Variants in DNTTIP1 observed in about 807,000 individuals in gnomAD.
DNTTIP1 encodes deoxynucleotidyltransferase terminal interacting protein 1.
DNTTIP1 carries 22 observed loss-of-function variants against 52.9 expected under a neutral mutation model. The observed-to-expected ratio is 0.42, with a 90% CI of 0.30 to 0.59. The LOEUF (loss-of-function observed/expected upper bound fraction) is 0.59, where lower values mean the gene tolerates loss of function less well. Among genes scored for constraint, DNTTIP1 ranks in the 20% least tolerant of loss-of-function variants. The pLI is 0.22. For missense variants in DNTTIP1, 286 were observed against 435.5 expected (o/e 0.66, Z 3.06); for synonymous variants, 136 against 155.1 (o/e 0.88, Z 0.92).
At position 45,809,226 on chromosome 20, in the gene DNTTIP1, C is replaced by A. The variant is rs200161181; in HGVS notation, c.795+41C>A. 168 of 1,586,722 alleles carry A rather than the reference C, an allele frequency of 1.1e-4. No homozygotes were observed. In the African/African-American group the frequency reaches 2.1e-3, roughly 20 times the overall value. Reference sequence around the variant, plus strand: ...TTGTGCCACTGCCAGTGACCCACCCCACCTGGGAACCAGGATTTTGGCTGT... The same window carrying A: ...TTGTGCCACTGCCAGTGACCCACCCAACCTGGGAACCAGGATTTTGGCTGT... On this transcript the variant is annotated intron_variant, in intron 11 of 12. Transcript: ENST00000372622. The surrounding 1 kb of genome is among the most constrained non-coding windows in gnomAD (Gnocchi z 4.2).
chr20:45,795,521 G>A (rs984672703), intron 4 of DNTTIP1, 78 bp downstream of exon 4: 44 of 880,170 alleles, frequency 5.0e-5, no homozygotes, highest in East Asian at 8.4e-5. Flanking sequence ...ATCTTAAGCC[G>A]GACGTGGTGG....
chr20:45,794,455 A>G (rs1215715346), intron 3 of DNTTIP1, among the ~76,000 whole-genome samples: 3 of 151,854 alleles, frequency 2.0e-5, no homozygotes, highest in Non-Finnish European at 4.4e-5. Flanking sequence ...TCAGTTTTCA[A>G]ATTTTTAATC....
chr20:45,791,971 A>G lies in DNTTIP1; in HGVS notation c.-34A>G, dbSNP rs1981023158. 5 of 1,214,338 alleles carry G rather than the reference A, an allele frequency of 4.1e-6. No individual in the cohort carries two copies. In the East Asian group the frequency reaches 9.3e-5, roughly 23 times the overall value. The allele number at this position is 1,214,338 out of a possible 1,614,324, so 75.2% of individuals were successfully genotyped here. A position where few individuals can be genotyped will look rare whatever the true frequency, so the allele number is the denominator to read the frequency against. On this transcript the variant is annotated 5_prime_UTR_variant, in exon 1 of 13. Coordinates refer to ENST00000372622, the MANE Select transcript of DNTTIP1 (RefSeq NM_052951.3). Reference sequence around the variant, plus strand: ...ACGGCGCCACTTTCCGGCCGGTGACAGAGTCCAGCGGAGTTGTGGGGGCCG... The same window carrying G: ...ACGGCGCCACTTTCCGGCCGGTGACGGAGTCCAGCGGAGTTGTGGGGGCCG...
intron 7 of DNTTIP1, among the ~76,000 whole-genome samples, chr20:45,802,302 G>A (rs1981502195): frequency 1.3e-5 from 2 of 152,136 alleles, no homozygotes; most frequent in Admixed American, 1.3e-4. Flanking sequence ...GTCATTGTTA[G>A]TATATATTGG....
At chr20:45,792,857 A>G in intron 2 of DNTTIP1, 110 bp downstream of exon 2, 1 of 925,392 alleles carries the variant, frequency 1.1e-6, no homozygotes, top group Non-Finnish European at 1.6e-6. Flanking sequence ...GAAAGAGCAC[A>G]GGACTGAGGA....
intron 4 of DNTTIP1, chr20:45,796,502 G>A (rs1041569242): frequency 4.2e-6 from 2 of 471,024 alleles, no homozygotes; most frequent in African/African-American, 4.0e-5. Context: ...GGTATCATGG[G>A]GATGAGCACC....
At chr20:45,810,583 T>C (rs1601034039) in intron 11 of DNTTIP1, among the ~76,000 whole-genome samples, 3 of 148,106 alleles carry the variant, frequency 2.0e-5, no homozygotes, top group South Asian at 4.3e-4. Context: ...TTCTTTTTTT[T>C]TTTTTTTTCT....
At chr20:45,805,577 G>A (rs1189519740) in intron 10 of DNTTIP1, among the ~76,000 whole-genome samples, 10 of 152,118 alleles carry the variant, frequency 6.6e-5, no homozygotes. Flanking sequence ...TGCTTACTGG[G>A]TGCCAAACAC....
In DNTTIP1 at chr20:45,795,427, G is replaced by T; in HGVS notation, c.356G>T (p.Arg119Leu). 6.2e-7 allele frequency: 1 copy of T among 1,605,940 alleles called. No individual in the cohort carries two copies. The highest frequency in any genetic ancestry group is 8.5e-7 in the Non-Finnish European group (1 of 1,175,542). The change falls in exon 4 of 13, where the codon CGG becomes CTG. Residue 119 changes from arginine to leucine, a missense_variant. Transcript: ENST00000372622. Reference protein sequence around the residue: ...DAEQLIQEACRSCLEQAKLLF... With the variant: ...DAEQLIQEACLSCLEQAKLLF... ...GAGCAGCTGATCCAGGAAGCCTGTC[G>T]GAGCTGCCTGGAGCAGGTGAGACCA...
chr20:45,809,235 A>G lies in DNTTIP1; in HGVS notation c.795+50A>G, dbSNP rs1387818137. On this transcript the variant is annotated intron_variant, in intron 11 of 12. Coordinates refer to ENST00000372622, the MANE Select transcript of DNTTIP1 (RefSeq NM_052951.3). This position sits in a 1 kb window ranked among gnomAD's most constrained non-coding sequence, Gnocchi z 4.2. ...TGCCAGTGACCCACCCCACCTGGGAACCAGGATTTTGGCTGTGGGTGACAG... is the reference window on the plus strand; with the variant it reads ...TGCCAGTGACCCACCCCACCTGGGAGCCAGGATTTTGGCTGTGGGTGACAG... The G allele has an allele frequency of 3.4e-5, 53 of 1,575,756 alleles. No homozygotes were observed. Among genetic ancestry groups the G allele is most frequent in the Non-Finnish European group, 4.6e-5 (53 of 1,146,658 alleles).
intron 6 of DNTTIP1, 82 bp downstream of exon 6, chr20:45,801,540 C>A: frequency 6.8e-7 from 1 of 1,466,816 alleles, no homozygotes; most frequent in Non-Finnish European, 9.5e-7. Flanking sequence ...GTAATCCCAA[C>A]ACTTTGGGAG....
intron 11 of DNTTIP1, among the ~76,000 whole-genome samples, chr20:45,810,484 T>C (rs1273344972): frequency 6.6e-6 from 1 of 152,210 alleles, no homozygotes; most frequent in Non-Finnish European, 1.5e-5. Context: ...TTCTTGCCAT[T>C]TTGTTATAAC....
chr20:45,811,193 T>C lies in DNTTIP1; in HGVS notation c.988T>C (p.Ter330ArgextTer39). The C allele has an allele frequency of 6.2e-7, 1 of 1,603,612 alleles. No homozygotes were observed. Among genetic ancestry groups the C allele is most frequent in the Non-Finnish European group, 8.5e-7 (1 of 1,175,404 alleles). ...TGCTGTTGAAGCACCTCCACAGACC[T>C]GAGGCCGGGTCCCCTGGCCACACTT... ...HRAVEAPPQT[*>R] The change falls in exon 13 of 13, where the codon TGA (stop) becomes CGA (arginine). Residue 330 changes from the stop codon to arginine (R), a stop_lost. Coordinates refer to ENST00000372622, the MANE Select transcript of DNTTIP1 (RefSeq NM_052951.3).
intron 4 of DNTTIP1, among the ~76,000 whole-genome samples, chr20:45,797,850 G>A (rs895526495): frequency 6.6e-6 from 1 of 152,218 alleles, no homozygotes; most frequent in Non-Finnish European, 1.5e-5. Context: ...TGGAGAGGAT[G>A]TGGAGAAATA....
Position 45,809,952 on chromosome 20 carries a change from T to C in DNTTIP1, c.795+767T>C, listed in dbSNP as rs1981769788. On this transcript the variant is annotated intron_variant, in intron 11 of 12. Transcript: ENST00000372622. The surrounding 1 kb of genome is among the most constrained non-coding windows in gnomAD (Gnocchi z 4.2). ...GCTTCATGCACATAAAATGCAACAT[T>C]ACATAAATAAGAAATAGATGGTAGG... is the stretch of plus-strand genomic sequence containing the variant. 6.6e-6 allele frequency among the ~76,000 whole-genome samples: 1 copy of C among 151,978 alleles called. No homozygotes were observed. The highest frequency in any genetic ancestry group is 2.1e-4 in the South Asian group (1 of 4,824).
chr20:45,802,452 C>T lies in DNTTIP1; in HGVS notation c.557+395C>T, dbSNP rs141216538. 3.2e-3 allele frequency among the ~76,000 whole-genome samples: 491 copies of T among 152,248 alleles called. 5 individuals are homozygous for T. The highest frequency in any genetic ancestry group is 0.011 in the African/African-American group (473 of 41,540). On this transcript the variant is annotated intron_variant, in intron 7 of 12. Transcript: ENST00000372622. Reference sequence around the variant, plus strand: ...AATGTCATATCGTTAACATTGCCTCCAAGACGGTCATTTTCAAATATATAT... The same window carrying T: ...AATGTCATATCGTTAACATTGCCTCTAAGACGGTCATTTTCAAATATATAT...
At chr20:45,807,982 C>G (rs534540666) in intron 10 of DNTTIP1, among the ~76,000 whole-genome samples, 1 of 152,056 alleles carries the variant, frequency 6.6e-6, no homozygotes, top group South Asian at 2.1e-4. Flanking sequence ...TCTCTTCACT[C>G]CTCGATTTTT....
At position 45,801,075 on chromosome 20, in the gene DNTTIP1, C is replaced by A; in HGVS notation, c.374C>A (p.Ala125Asp). The part of the protein sequence containing the change: ...QEACRSCLEQ[A>D]KLLFSDGEKV... Reference sequence around the variant, plus strand: ...AACACTTGGTCTTTTTCCCTTCAGGCTAAACTGCTCTTTTCAGATGGAGAA... The same window carrying A: ...AACACTTGGTCTTTTTCCCTTCAGGATAAACTGCTCTTTTCAGATGGAGAA... The change falls in exon 5 of 13, where the codon GCT (alanine) becomes GAT (aspartate). Residue 125 changes from alanine (A) to aspartate (D), a missense_variant and splice_region_variant. Physicochemically the swap from Ala to Asp is moderately radical, Grantham distance 126. This residue lies in a region of DNTTIP1 where 208 missense variants were observed against 266.5 expected (regional missense o/e 0.78). Transcript: ENST00000372622. 4 of 1,613,750 alleles carry A rather than the reference C, an allele frequency of 2.5e-6. No individual in the cohort carries two copies. The highest frequency in any genetic ancestry group is 3.4e-6 in the Non-Finnish European group (4 of 1,179,868).
chr20:45,806,370 A>G, intron 10 of DNTTIP1, among the ~76,000 whole-genome samples: 1 of 151,784 alleles, frequency 6.6e-6, no homozygotes. Flanking sequence ...AAAAAAAAAT[A>G]GAGTTTGGAG....
Sources: allele counts gnomAD v4.1 joint callset (sites outside exome capture counted in the v4.1 genomes callset), GRCh38; gene constraint gnomAD v4.1.1; regional missense constraint gnomAD v4.1.1; non-coding constraint Gnocchi (gnomAD v3.1); transcripts MANE v1.5; gene names NCBI Gene and HGNC (gene_info 2026-07-23, HGNC 2026-07-21).